Variants in CACNA1A observed in about 807,000 individuals in gnomAD.
CACNA1A encodes the protein calcium voltage-gated channel subunit alpha1 A.
A neutral mutation model predicts 262.4 loss-of-function variants in CACNA1A; 57 were observed. The observed-to-expected ratio is 0.22, with a 90% CI of 0.18 to 0.27. The LOEUF (loss-of-function observed/expected upper bound fraction) is 0.27, where lower values mean the gene tolerates loss of function less well. Ranked by LOEUF, CACNA1A falls within the 10% of genes least tolerant of loss-of-function variation. The pLI, the probability that CACNA1A is intolerant of heterozygous loss-of-function variation, is 1.00. For missense variants in CACNA1A, 2,526 were observed against 3,562.8 expected, an observed-to-expected ratio of 0.71 and a Z score of 7.41; for synonymous variants, 1,431 against 1,419.3, an observed-to-expected ratio of 1.01 and a Z score of -0.18.
At chr19:13,502,869 A>G (rs1405129851) in intron 1 of CACNA1A, among the ~76,000 whole-genome samples, 3 of 152,022 alleles carry the variant, frequency 2.0e-5, no homozygotes, top group African/African-American at 7.3e-5. Flanking sequence ...TGGAAGTAGC[A>G]CTCTTAGGCC....
chr19:13,469,000 T>G (rs2145023544), intron 1 of CACNA1A, among the ~76,000 whole-genome samples: 1 of 151,842 alleles, frequency 6.6e-6, no homozygotes, highest in Non-Finnish European at 1.5e-5. Flanking sequence ...CCTTCCCAAC[T>G]CAGATAAGGT....
At chr19:13,499,408 G>T (rs1237164771) in intron 1 of CACNA1A, among the ~76,000 whole-genome samples, 3 of 129,634 alleles carry the variant, frequency 2.3e-5, no homozygotes, top group Non-Finnish European at 4.7e-5. Flanking sequence ...AGAGCGCCAC[G>T]ATCAGGTTAA....
rs186107555 is a variant in CACNA1A, at chr19:13,226,377, T to C, written c.5625+1054A>G. On this transcript the variant is annotated intron_variant, in intron 37 of 46. Transcript: ENST00000360228. The stretch of plus-strand genomic sequence containing the variant: ...TTGATTGAGAAGGAGGGGAGACATA[T>C]AGGTTAGGTGAGGAGGGGTGCACAG... 2.5e-3 allele frequency: 367 copies of C among 148,354 alleles called. 3 individuals carry two copies. The highest frequency in any genetic ancestry group is 1.1e-3 in the Non-Finnish European group (71 of 67,424). 9.2% of individuals were successfully genotyped at this position (148,354 alleles called of 1,614,324 possible).
intron 7 of CACNA1A, 73 bp from the exon 8 acceptor site, chr19:13,334,566 T>TGTGTGC: frequency 1.6e-6 from 1 of 643,224 alleles, no homozygotes; most frequent in African/African-American, 2.0e-5. Flanking sequence ...TGTGTTTGTG[T>TGTGTGC]GTGTGTGTGT....
chr19:13,266,215 C>CT (rs561024736), intron 24 of CACNA1A, among the ~76,000 whole-genome samples: 1,546 of 150,372 alleles, frequency 0.01, 20 homozygotes, highest in South Asian at 0.052. Flanking sequence ...ATATAGTTTC[C>CT]TTTTTTTTTA....
At chr19:13,340,420 G>A (rs2058657941) in intron 6 of CACNA1A, among the ~76,000 whole-genome samples, 1 of 126,062 alleles carries the variant, frequency 7.9e-6, no homozygotes, top group African/African-American at 3.1e-5. Context: ...GCACAGAGAG[G>A]TCTATTTTTT....
intron 15 of CACNA1A, among the ~76,000 whole-genome samples, chr19:13,304,779 GAACT>G (rs2057866942): frequency 6.6e-6 from 1 of 151,954 alleles, no homozygotes. Flanking sequence ...CCCTCACCAG[GAACT>G]AACTAACCCT....
intron 26 of CACNA1A, chr19:13,260,344 GTTGTTTGT>G (rs1305460428): frequency 1.6e-5 from 2 of 126,814 alleles, no homozygotes; most frequent in African/African-American, 6.0e-5. Context: ...TTTTGTTGTT[GTTGTTTGT>G]TTGTTTGTTT....
At position 13,241,343 on chromosome 19, in the gene CACNA1A, A is replaced by G. The variant is rs1433786780; in HGVS notation, c.4950+3839T>C. On this transcript the variant is annotated intron_variant, in intron 31 of 46. Transcript: ENST00000360228. This position sits in a 1 kb window ranked among gnomAD's most constrained non-coding sequence, Gnocchi z 4.0. ...AAACAGAGAGACAGAGTCTACAGGA[A>G]GTGGGAGGCACAGGGGCTGGGGGCG... 6.6e-6 allele frequency among the ~76,000 whole-genome samples: 1 copy of G among 152,066 alleles called. No homozygotes were observed. The highest frequency in any genetic ancestry group is 1.9e-4 in the East Asian group (1 of 5,186).
chr19:13,407,669 A>T (rs2060035850), intron 3 of CACNA1A, among the ~76,000 whole-genome samples: 1 of 152,180 alleles, frequency 6.6e-6, no homozygotes, highest in African/African-American at 2.4e-5. Flanking sequence ...GAGTCTTCCA[A>T]TTGTTATGCT....
At chr19:13,316,474 G>A (rs2058128628) in intron 11 of CACNA1A, 1 of 151,548 alleles carries the variant, frequency 6.6e-6, no homozygotes, top group South Asian at 2.1e-4. Context: ...GATACTGGAG[G>A]GGATGTTCTA....
Position 13,207,305 on chromosome 19 carries a change from G to T in CACNA1A, c.*8C>A. On this transcript the variant is annotated 3_prime_UTR_variant, in exon 47 of 47. Transcript: ENST00000360228. This position sits in a 1 kb window ranked among gnomAD's most constrained non-coding sequence, Gnocchi z 5.7. ...TGGGGGGCCGGGCGGGCGCCACCTC[G>T]CCCGGGCTTAGCACCAATCATCGTC... 1.3e-6 allele frequency: 2 copies of T among 1,547,904 alleles called. No homozygotes were observed. The highest frequency in any genetic ancestry group is 1.4e-5 in the African/African-American group (1 of 72,084).
intron 4 of CACNA1A, chr19:13,365,721 GCAGTGGCA>G: frequency 2.7e-6 from 1 of 368,104 alleles, no homozygotes; most frequent in Non-Finnish European, 5.0e-6. Flanking sequence ...AGGCTGGAGT[GCAGTGGCA>G]CAATCACAGC....
chr19:13,224,814 C>T (rs1259481259), intron 37 of CACNA1A, 42 bp from the exon 38 acceptor site: 2 of 1,448,540 alleles, frequency 1.4e-6, no homozygotes, highest in Non-Finnish European at 1.9e-6. Context: ...CCCAGGCATC[C>T]CTCCTGGGTC....
At position 13,208,813 on chromosome 19, in the gene CACNA1A, C is replaced by G. The variant is rs771682423; in HGVS notation, c.6723G>C (p.Arg2241=). 4.5e-6 allele frequency: 7 copies of G among 1,547,722 alleles called. No homozygotes were observed. The highest frequency in any genetic ancestry group is 1.9e-5 in the Admixed American group (1 of 51,930). Residue 2241 remains arginine, a synonymous_variant, in exon 46 of 47, where the codon CGG becomes CGC. Coordinates refer to ENST00000360228, the MANE Select transcript of CACNA1A (RefSeq NM_001127222.2). ...TGGGCGAGCGGGACCAGCGCTGGTCCCGAGCCCGTGCCCGGCCGTGGTCCG... is the reference window on the plus strand; with the variant it reads ...TGGGCGAGCGGGACCAGCGCTGGTCGCGAGCCCGTGCCCGGCCGTGGTCCG... The part of the protein sequence containing the change: ...ERPDHGRARA[R]DQRWSRSPSE...
At chr19:13,365,491 C>T (rs2059192397) in intron 4 of CACNA1A, 22 bp from the exon 5 acceptor site, 1 of 1,609,862 alleles carries the variant, frequency 6.2e-7, no homozygotes, top group Non-Finnish European at 8.5e-7. Flanking sequence ...CAGAGAGAGG[C>T]CCCATAAGCC....
At chr19:13,210,960 G>A (rs900400740) in intron 43 of CACNA1A, 13 of 476,050 alleles carry the variant, frequency 2.7e-5, no homozygotes, top group East Asian at 1.1e-4. Context: ...GCGCAGCCTC[G>A]AGCCCCTGGC....
chr19:13,217,360 G>A (rs1270196666), intron 38 of CACNA1A, among the ~76,000 whole-genome samples: 4 of 152,160 alleles, frequency 2.6e-5, no homozygotes, highest in African/African-American at 9.7e-5. Flanking sequence ...TACCCCCTTT[G>A]CAGCCCCTTA....
intron 12 of CACNA1A, 92 bp downstream of exon 12, chr19:13,312,577 G>A: frequency 1.4e-6 from 1 of 726,336 alleles, no homozygotes; most frequent in Non-Finnish European, 2.3e-6. Flanking sequence ...ATATTCAGGG[G>A]TGACTTTACC....
Sources: allele counts gnomAD v4.1 joint callset (sites outside exome capture counted in the v4.1 genomes callset), GRCh38; gene constraint gnomAD v4.1.1; non-coding constraint Gnocchi (gnomAD v3.1); transcripts MANE v1.5; gene names NCBI Gene and HGNC (gene_info 2026-07-23, HGNC 2026-07-21).